SMARCA4: variants seen among roughly 807,000 people sequenced by gnomAD.
The protein encoded by SMARCA4 is SWI/SNF related BAF chromatin remodeling complex subunit ATPase 4.
A neutral mutation model predicts 193.9 loss-of-function variants in SMARCA4; 31 were observed. That is an observed-to-expected ratio of 0.16 (90% CI 0.12 to 0.22). The LOEUF (loss-of-function observed/expected upper bound fraction) is 0.22. SMARCA4 is among the 10% of genes least tolerant of loss of function. SMARCA4 has a pLI of 1.00. For synonymous variants in SMARCA4, 942 were observed against 933.1 expected, an observed-to-expected ratio of 1.01 and a Z score of -0.17; for missense variants, 1,148 against 2,296.0, an observed-to-expected ratio of 0.50 and a Z score of 10.22.
chr19:11,048,590 G>GC (rs1349543702), intron 30 of SMARCA4, among the ~76,000 whole-genome samples: 1 of 152,206 alleles, frequency 6.6e-6, no homozygotes, highest in Non-Finnish European at 1.5e-5. Flanking sequence ...TGGAGAGTGT[G>GC]CCCATGACTG....
rs201897931 is a variant in SMARCA4, at chr19:10,988,124, C to CT, written c.1118+213dup. 4.3e-3 allele frequency among the ~76,000 whole-genome samples: 623 copies of CT among 146,354 alleles called. 1 individual carries two copies. Among genetic ancestry groups the CT allele is most frequent in the Admixed American group, 5.5e-3 (80 of 14,638 alleles). ...CCACACAGCAGTTTGAGTTCTCTCT[C>CT]TTTTTTTTTTTTTGAGACGGAGTTT... On this transcript the variant is annotated intron_variant, in intron 6 of 34. Coordinates refer to ENST00000344626, the MANE Select transcript of SMARCA4 (RefSeq NM_003072.5).
Position 11,019,529 on chromosome 19 carries a change from C to T in SMARCA4, c.2506-62C>T. 9.6e-7 allele frequency: 1 copy of T among 1,047,004 alleles called. No homozygotes were observed. The highest frequency in any genetic ancestry group is 1.6e-5 in the African/African-American group (1 of 63,764). 64.9% of individuals were successfully genotyped at this position (1,047,004 alleles called of 1,614,324 possible). ...GGGCAGTTGCAGGGGGTGCCTGTGC[C>T]CCTCTTGCCACCTGGCCACCCGGCT... is the stretch of plus-strand genomic sequence containing the variant. On this transcript the variant is annotated intron_variant, in intron 17 of 34. Transcript: ENST00000344626. The surrounding 1 kb of genome is among the most constrained non-coding windows in gnomAD (Gnocchi z 6.1).
intron 34 of SMARCA4, among the ~76,000 whole-genome samples, chr19:11,061,201 AAAAATATATATATATATAT>A (rs1400258255): frequency 4.3e-5 from 3 of 69,990 alleles, no homozygotes; most frequent in African/African-American, 7.2e-5. Context: ...AAAAAAAAAA[AAAAATATATATATATATAT>A]ATATATATAT....
Position 11,007,767 on chromosome 19 carries a change from C to G in SMARCA4, c.2002-135C>G, listed in dbSNP as rs1017809782. On this transcript the variant is annotated intron_variant, in intron 13 of 34. Transcript: ENST00000344626. ...AAACAAAGATGTAAATAATAAACAGCACACATTCCAGGATAGGTAGAGGGG... is the reference window on the plus strand; with the variant it reads ...AAACAAAGATGTAAATAATAAACAGGACACATTCCAGGATAGGTAGAGGGG... 5 of 784,166 alleles carry G rather than the reference C, an allele frequency of 6.4e-6. No homozygotes were observed. In the African/African-American group the frequency reaches 6.9e-5, roughly 11 times the overall value. The allele number at this position is 784,166 out of a possible 1,614,324, so 48.6% of individuals were successfully genotyped here. A position where few individuals can be genotyped will look rare whatever the true frequency, so the allele number is the denominator to read the frequency against.
At chr19:11,009,830 A>G (rs965339310) in intron 14 of SMARCA4, among the ~76,000 whole-genome samples, 2 of 152,040 alleles carry the variant, frequency 1.3e-5, no homozygotes, top group Non-Finnish European at 2.9e-5. Context: ...CTGGGACTAC[A>G]GGCGCCTGCC....
At chr19:11,010,334 C>G (rs2146230450) in intron 14 of SMARCA4, 47 bp from the exon 15 acceptor site, 1 of 1,606,106 alleles carries the variant, frequency 6.2e-7, no homozygotes, top group South Asian at 1.1e-5. Context: ...CACATTGTCA[C>G]AGATAGGAAT....
At chr19:10,961,986 T>C (rs2083845783) in intron 1 of SMARCA4, among the ~76,000 whole-genome samples, 1 of 151,502 alleles carries the variant, frequency 6.6e-6, no homozygotes, top group South Asian at 2.1e-4. Flanking sequence ...TTTTTTTTTT[T>C]TTTTTTGGTC....
chr19:11,034,764 C>T lies in SMARCA4; in HGVS notation c.3952-150C>T, dbSNP rs2075160914. 1.4e-6 allele frequency: 1 copy of T among 691,816 alleles called. No individual in the cohort carries two copies. Among genetic ancestry groups the T allele is most frequent in the Non-Finnish European group, 2.6e-6 (1 of 383,592 alleles). The allele number at this position is 691,816 out of a possible 1,614,324, so 42.9% of individuals were successfully genotyped here. ...TGACGGAGCCAGGCCAGGTCAGCCACTGAAAAATCGAGAGCTACTGTTTAA... is the reference window on the plus strand; with the variant it reads ...TGACGGAGCCAGGCCAGGTCAGCCATTGAAAAATCGAGAGCTACTGTTTAA... On this transcript the variant is annotated intron_variant, in intron 28 of 34. Coordinates refer to ENST00000344626, the MANE Select transcript of SMARCA4 (RefSeq NM_003072.5). This position sits in a 1 kb window ranked among gnomAD's most constrained non-coding sequence, Gnocchi z 7.0.
At chr19:11,059,910 G>T (rs555107330) in intron 33 of SMARCA4, 25 bp downstream of exon 33, 1 of 1,613,632 alleles carries the variant, frequency 6.2e-7, no homozygotes, top group East Asian at 2.2e-5. Context: ...GGTTCAGGAC[G>T]CCGGGGTTCA....
chr19:10,985,198 C>G lies in SMARCA4; in HGVS notation c.223-75C>G. 6.5e-7 allele frequency: 1 copy of G among 1,539,222 alleles called. No homozygotes were observed. Among genetic ancestry groups the G allele is most frequent in the Non-Finnish European group, 9.0e-7 (1 of 1,113,730 alleles). The stretch of plus-strand genomic sequence containing the variant: ...CTGTTCTCGGTGCCCTCGAGCTTCT[C>G]TCGGGCAGCGCATAGCTGCGCTGCC... On this transcript the variant is annotated intron_variant, in intron 2 of 34. Coordinates refer to ENST00000344626, the MANE Select transcript of SMARCA4 (RefSeq NM_003072.5). This position sits in a 1 kb window ranked among gnomAD's most constrained non-coding sequence, Gnocchi z 4.5.
At chr19:11,050,215 G>C (rs933846040) in intron 30 of SMARCA4, among the ~76,000 whole-genome samples, 1 of 152,340 alleles carries the variant, frequency 6.6e-6, no homozygotes, top group South Asian at 2.1e-4. Context: ...GACTATGCTC[G>C]GGCAGCTCGG....
In SMARCA4 at chr19:11,058,991, C is replaced by G. The variant is rs2076703501; in HGVS notation, c.4635+102C>G. On this transcript the variant is annotated intron_variant, in intron 32 of 34. Transcript: ENST00000344626. The surrounding 1 kb of genome is among the most constrained non-coding windows in gnomAD (Gnocchi z 5.8). The stretch of plus-strand genomic sequence containing the variant: ...CTGAATTGATGGGTTAAAAACAAGT[C>G]CCGCTAGCTGTGGTGGTTCGTGCCT... The G allele has an allele frequency of 1.1e-6, 1 of 924,976 alleles. No individual in the cohort carries two copies. 57.3% of individuals were successfully genotyped at this position (924,976 alleles called of 1,614,324 possible).
At position 11,016,321 on chromosome 19, in the gene SMARCA4, A is replaced by C. The variant is rs560956241; in HGVS notation, c.2439-2636A>C. On this transcript the variant is annotated intron_variant, in intron 16 of 34. Transcript: ENST00000344626. ...ACACAGATGCCTCCCACCAGGCCCC[A>C]CCTCCAACATTGGAAATCAGACTTC... 1.4e-3 allele frequency among the ~76,000 whole-genome samples: 218 copies of C among 152,254 alleles called. 1 individual carries two copies. Among genetic ancestry groups the C allele is most frequent in the African/African-American group, 5.1e-3 (211 of 41,542 alleles).
intron 1 of SMARCA4, among the ~76,000 whole-genome samples, chr19:10,963,496 T>C (rs1333309228): frequency 6.6e-6 from 1 of 152,096 alleles, no homozygotes; most frequent in Non-Finnish European, 1.5e-5. Flanking sequence ...TGAACCTCAG[T>C]TGTCCTCATC....
At chr19:11,024,214 G>A in intron 20 of SMARCA4, 117 bp from the exon 21 acceptor site, 1 of 749,454 alleles carries the variant, frequency 1.3e-6, no homozygotes, top group Non-Finnish European at 2.4e-6. Flanking sequence ...CCACACCCCA[G>A]TGTGCTCTGG....
At chr19:10,966,798 G>T (rs921797084) in intron 1 of SMARCA4, among the ~76,000 whole-genome samples, 2 of 151,784 alleles carry the variant, frequency 1.3e-5, no homozygotes, top group African/African-American at 4.8e-5. Flanking sequence ...TGAGGCAGGA[G>T]AATTGCTTGA....
At chr19:11,000,227 CAAA>C (rs113601283) in intron 11 of SMARCA4, among the ~76,000 whole-genome samples, 2 of 109,616 alleles carry the variant, frequency 1.8e-5, no homozygotes, top group Non-Finnish European at 1.9e-5. Context: ...GATTCTGTCT[CAAA>C]AAAAAAAAAA....
intron 21 of SMARCA4, 33 bp downstream of exon 21, chr19:11,024,471 A>C (rs749625769): frequency 3.9e-5 from 54 of 1,399,152 alleles, no homozygotes; most frequent in Non-Finnish European, 5.3e-5. Context: ...TGCATTCCCC[A>C]CTGGGTGTCC....
chr19:11,018,545 G>A (rs2089580733), intron 16 of SMARCA4, among the ~76,000 whole-genome samples: 1 of 152,194 alleles, frequency 6.6e-6, no homozygotes, highest in Non-Finnish European at 1.5e-5. Flanking sequence ...CAGAAAGACT[G>A]TTTGGTGTCT....
Sources: allele counts gnomAD v4.1 joint callset (sites outside exome capture counted in the v4.1 genomes callset), GRCh38; gene constraint gnomAD v4.1.1; non-coding constraint Gnocchi (gnomAD v3.1); transcripts MANE v1.5; gene names NCBI Gene and HGNC (gene_info 2026-07-23, HGNC 2026-07-21).